Variants in MACF1 observed in about 807,000 individuals in gnomAD.
MACF1 encodes microtubule-actin cross-linking factor 1.
In MACF1, 193 loss-of-function variants were observed where a neutral mutation model predicts 854.8. The ratio of observed to expected loss-of-function variants is 0.23; its 90% CI spans 0.20 to 0.25. The LOEUF is 0.25. MACF1 is among the 10% of genes least tolerant of loss of function. MACF1 has a pLI of 1.00. For missense variants in MACF1, 7,722 were observed against 8,929.1 expected, an observed-to-expected ratio of 0.86 and a Z score of 5.45; for synonymous variants, 3,185 against 3,226.7, an observed-to-expected ratio of 0.99 and a Z score of 0.44.
chr1:39,275,380 AT>A (rs112982713), intron 6 of MACF1, among the ~76,000 whole-genome samples: 2 of 151,040 alleles, frequency 1.3e-5, no homozygotes, highest in Non-Finnish European at 3.0e-5. Flanking sequence ...TGCGCCTGTA[AT>A]TTTTTTTAAA....
rs763784035 is a variant in MACF1, at chr1:39,435,623, A to G, written c.17850A>G (p.Gln5950=). 25 of 1,614,214 alleles carry G rather than the reference A, an allele frequency of 1.5e-5. No homozygotes were observed. The highest frequency in any genetic ancestry group is 2.7e-5 in the African/African-American group (2 of 75,070). Residue 5950 remains glutamine (Q), a synonymous_variant, in exon 70 of 101, where the codon CAA becomes CAG. Coordinates refer to ENST00000564288, the MANE Select transcript of MACF1 (RefSeq NM_001394062.1). ...ACAAACTACTAAAGATAGGCCCACA[A>G]CTAAAGGAATTAAACCCTGAGGAAG... ...HIDKLLKIGP[Q]LKELNPEEGE... is the part of the protein sequence containing the mutation.
In MACF1 at chr1:39,458,400, C is replaced by T; in HGVS notation, c.21106C>T (p.Pro7036Ser). The T allele has an allele frequency of 6.2e-7, 1 of 1,613,882 alleles. No individual in the cohort carries two copies. The highest frequency in any genetic ancestry group is 8.5e-7 in the Non-Finnish European group (1 of 1,179,916). ...TATGGAGGAGATGACTCGCAAACAG[C>T]CTGACGTGGACCGGGTCACCAAGAC... Reference protein sequence around the residue: ...TFMEEMTRKQPDVDRVTKTYK... With the variant: ...TFMEEMTRKQSDVDRVTKTYK... The change falls in exon 90 of 101, where the codon CCT (proline) becomes TCT (serine). Residue 7036 changes from proline to serine, a missense_variant. Physicochemically the swap from Pro to Ser is moderately conservative, Grantham distance 74 (BLOSUM62 -1). This residue lies in a region of MACF1 where 729 missense variants were observed against 900.5 expected (regional missense o/e 0.81). Transcript: ENST00000564288.
rs916968488 is a variant in MACF1, at chr1:39,158,272, G to C, written c.221-72910G>C. Among the ~76,000 whole-genome samples the C allele has an allele frequency of 3.9e-5, 6 of 152,160 alleles. No individual in the cohort carries two copies. The South Asian group carries it at 1.2e-3, about 32-fold the overall frequency. On this transcript the variant is annotated intron_variant, in intron 2 of 93. Transcript: ENST00000361689. ...TTTCTCTCTAGGTATCCATGGAGAG[G>C]GTCCTGTCTCCCTGAATGGTTGTGC...
In MACF1 at chr1:39,429,924, G is replaced by A; in HGVS notation, c.16986G>A (p.Glu5662=). Residue 5662 remains glutamate (E), a synonymous_variant, in exon 65 of 101, where the codon GAG becomes GAA. Transcript: ENST00000564288. Reference sequence around the variant, plus strand: ...GCTCCAAGGCCCTCAGAACTTTAGAGCAAGCCCGGCAGCTGGCCACCAAGT... The same window carrying A: ...GCTCCAAGGCCCTCAGAACTTTAGAACAAGCCCGGCAGCTGGCCACCAAGT... ...VTSSKALRTL[E]QARQLATKFQ... 15 of 1,614,132 alleles carry A rather than the reference G, an allele frequency of 9.3e-6. No homozygotes were observed. Among genetic ancestry groups the A allele is most frequent in the Non-Finnish European group, 1.3e-5 (15 of 1,180,008 alleles).
intron 2 of MACF1, among the ~76,000 whole-genome samples, chr1:39,175,704 G>A (rs1644013805): frequency 6.6e-6 from 1 of 152,038 alleles, no homozygotes; most frequent in Non-Finnish European, 1.5e-5. Context: ...TATAATCCCA[G>A]CACTTTGGGA....
rs1186521645 is a variant in MACF1, at chr1:39,310,333, C to A, written c.3005C>A (p.Ser1002Tyr). ...YEDFLQDSRD[S>Y]VLFSVADRLR... ...GACTTTCTGCAGGATAGTCGTGACT[C>A]TGTGCTGTTCTCAGTGGCTGATCGC... Residue 1002 changes from serine to tyrosine, a missense_variant, in exon 25 of 101, where the codon TCT becomes TAT. Around this residue, in one of 15 missense-constraint regions of MACF1, gnomAD observed 1,137 missense variants for 1,263.0 expected, o/e 0.90. Coordinates refer to ENST00000564288, the MANE Select transcript of MACF1 (RefSeq NM_001394062.1). The A allele has an allele frequency of 6.2e-7, 1 of 1,614,056 alleles. No homozygotes were observed. The highest frequency in any genetic ancestry group is 1.3e-5 in the African/African-American group (1 of 74,918).
At chr1:39,306,263 G>A (rs1437579268) in intron 23 of MACF1, among the ~76,000 whole-genome samples, 1 of 151,872 alleles carries the variant, frequency 6.6e-6, no homozygotes, top group African/African-American at 2.4e-5. Context: ...GAGTAAGTGG[G>A]ATTACAGGTG....
In MACF1 at chr1:39,335,030, A is replaced by G; in HGVS notation, c.8442A>G (p.Leu2814=). 1 of 1,614,054 alleles carries G rather than the reference A, an allele frequency of 6.2e-7. No homozygotes were observed. The highest frequency in any genetic ancestry group is 8.5e-7 in the Non-Finnish European group (1 of 1,179,970). ...ATAAAGTAGAAGAGAGTGAGAGATT[A>G]TTTCAAGTTGAAAATCAGTCTGCAC... The part of the protein sequence containing the change: ...SCNKVEESER[L]FQVENQSAQE... The change falls in exon 37 of 101, where the codon TTA becomes TTG. Residue 2814 remains leucine, a synonymous_variant. Transcript: ENST00000564288.
At chr1:39,103,087 A>G in intron 2 of MACF1, 1 of 634,854 alleles carries the variant, frequency 1.6e-6, no homozygotes, top group Admixed American at 2.2e-5. Flanking sequence ...TGAGTCTTAG[A>G]GAAGCTCTCT....
Position 39,379,278 on chromosome 1 carries a change from G to T in MACF1, c.13352G>T (p.Arg4451Leu), listed in dbSNP as rs760219967. ...YEKLGGVLHE[R>L]QESLQAILNR... ...AAACTAGGGGGAGTACTTCATGAAC[G>T]CCAGGAAAGCCTTCAGGCTATCCTC... Residue 4451 changes from arginine (R) to leucine (L), a missense_variant, in exon 54 of 101, where the codon CGC (arginine) becomes CTC (leucine). By Grantham distance (102) the Arg-to-Leu change is moderately radical. Transcript: ENST00000564288. 3.1e-6 allele frequency: 5 copies of T among 1,612,990 alleles called. No individual in the cohort carries two copies. In the South Asian group the frequency reaches 3.3e-5, roughly 11 times the overall value.
chr1:39,410,814 C>T (rs1175084948), intron 58 of MACF1: 1 of 1,613,914 alleles, frequency 6.2e-7, no homozygotes, highest in Non-Finnish European at 8.5e-7. Context: ...GTCATTTGGA[C>T]CACAGGGAAC....
chr1:39,139,341 C>CT, intron 2 of MACF1, among the ~76,000 whole-genome samples: 1 of 150,598 alleles, frequency 6.6e-6, no homozygotes, highest in Middle Eastern at 3.4e-3. Context: ...GCTGCAACCT[C>CT]TGCCTTCCAG....
chr1:39,198,476 C>A (rs1000838147), intron 2 of MACF1, among the ~76,000 whole-genome samples: 8 of 151,834 alleles, frequency 5.3e-5, no homozygotes, highest in Admixed American at 5.3e-4. Context: ...TGTGATGAAA[C>A]CCCGTCTCTA....
chr1:39,273,791 C>T (rs1284941081), intron 6 of MACF1, among the ~76,000 whole-genome samples: 7 of 152,018 alleles, frequency 4.6e-5, no homozygotes, highest in Non-Finnish European at 1.0e-4. Context: ...AGGGTTTCAC[C>T]GTGTTAGCCA....
intron 6 of MACF1, 76 bp downstream of exon 6, chr1:39,258,104 C>A: frequency 9.1e-7 from 1 of 1,100,664 alleles, no homozygotes; most frequent in Non-Finnish European, 1.4e-6. Flanking sequence ...CTTCCACAGA[C>A]AGCATTGAGC....
chr1:39,448,642 A>G lies in MACF1; in HGVS notation c.20137A>G (p.Ile6713Val), dbSNP rs771081547. The G allele has an allele frequency of 7.4e-5, 120 of 1,612,488 alleles. No individual in the cohort carries two copies. Among genetic ancestry groups the G allele is most frequent in the Non-Finnish European group, 9.2e-5 (109 of 1,179,080 alleles). ...GGKQPVYDTTIRTGRALKEKT... is the reference protein window; with the variant it reads ...GGKQPVYDTTVRTGRALKEKT... Reference sequence around the variant, plus strand: ...CAAGCAGCCTGTGTATGATACCACAATTAGAACTGGCAGAGCACTGAAAGA... The same window carrying G: ...CAAGCAGCCTGTGTATGATACCACAGTTAGAACTGGCAGAGCACTGAAAGA... The change falls in exon 84 of 101, where the codon ATT becomes GTT. Residue 6713 changes from isoleucine (I) to valine (V), a missense_variant. Around this residue, in one of 15 missense-constraint regions of MACF1, gnomAD observed 729 missense variants for 900.5 expected, o/e 0.81. Coordinates refer to ENST00000564288, the MANE Select transcript of MACF1 (RefSeq NM_001394062.1).
rs764739257 is a variant in MACF1 at position 39,361,712 on chromosome 1, G to A, written c.12771+35G>A. 199 of 1,601,532 alleles carry A rather than the reference G, an allele frequency of 1.2e-4. 5 individuals are homozygous for A. In the South Asian group the frequency reaches 2.1e-3, roughly 17 times the overall value. On this transcript the variant is annotated intron_variant, in intron 49 of 100. Coordinates refer to ENST00000564288, the MANE Select transcript of MACF1 (RefSeq NM_001394062.1). ...TATCTGCCATGTTAGCAGAATAAAG[G>A]GAAGAGAAGGGCAGGGAGAGAACCA... is the stretch of plus-strand genomic sequence containing the variant.
In MACF1 at chr1:39,372,489, A is replaced by T. The variant is rs142318271; in HGVS notation, c.13106A>T (p.Asp4369Val). ...TTCTTCTTTAAACAGAGTCTACTAG[A>T]TGACTGGGCAAGTAAGGGAACTCTG... is the stretch of plus-strand genomic sequence containing the variant. ...KQIEHLKSLL[D>V]DWASKGTLVE... Residue 4369 changes from aspartate (D) to valine (V), a missense_variant, in exon 52 of 101, where the codon GAT (aspartate) becomes GTT (valine). Physicochemically the swap from Asp to Val is radical, Grantham distance 152. This residue lies in a region of MACF1 where 2,807 missense variants were observed against 3,235.8 expected (regional missense o/e 0.87). Coordinates refer to ENST00000564288, the MANE Select transcript of MACF1 (RefSeq NM_001394062.1). 6.4e-5 allele frequency: 103 copies of T among 1,608,932 alleles called. No individual in the cohort carries two copies. The highest frequency in any genetic ancestry group is 8.4e-5 in the Non-Finnish European group (99 of 1,175,572).
At chr1:39,427,362 C>T in intron 61 of MACF1, 93 bp from the exon 62 acceptor site, 1 of 1,092,540 alleles carries the variant, frequency 9.2e-7, no homozygotes, top group Non-Finnish European at 1.3e-6. Flanking sequence ...TAAACTATAC[C>T]TGGAAAAGAC....
Sources: allele counts gnomAD v4.1 joint callset (sites outside exome capture counted in the v4.1 genomes callset), GRCh38; gene constraint gnomAD v4.1.1; regional missense constraint gnomAD v4.1.1; transcripts MANE v1.5; gene names NCBI Gene and HGNC (gene_info 2026-07-23, HGNC 2026-07-21).